The following CRKL variants were observed in gnomAD, a reference collection of about 807,000 sequenced individuals.
CRKL encodes CRK like proto-oncogene, adaptor protein, also known as crk-like protein.
A neutral mutation model predicts 23.0 loss-of-function variants in CRKL; 3 were observed. The ratio of observed to expected loss-of-function variants is 0.13; its 90% confidence interval spans 0.06 to 0.34. CRKL has a LOEUF of 0.34. CRKL is among the 10% of genes least tolerant of loss of function. The pLI is 1.00. For missense variants in CRKL, 256 were observed against 394.5 expected, an observed-to-expected ratio of 0.65 and a Z score of 2.97; for synonymous variants, 188 against 160.7, an observed-to-expected ratio of 1.17 and a Z score of -1.28.
intron 2 of CRKL, among the ~76,000 whole-genome samples, chr22:20,939,057 G>A (rs1428006774): frequency 1.3e-5 from 2 of 152,012 alleles, no homozygotes; most frequent in Admixed American, 1.3e-4. Flanking sequence ...TGTGCTTTTA[G>A]CCCTCTTCAG....
chr22:20,951,144 CGTT>C lies in CRKL; in HGVS notation c.*1301_*1303del, dbSNP rs1005765955. 4 of 232,262 alleles carry C rather than the reference CGTT, an allele frequency of 1.7e-5. No individual in the cohort carries two copies. The highest frequency in any genetic ancestry group is 1.3e-3 in the Middle Eastern group (1 of 778). The allele number at this position is 232,262 out of a possible 1,614,324, so 14.4% of individuals were successfully genotyped here. On this transcript the variant is annotated 3_prime_UTR_variant, in exon 3 of 3. Coordinates refer to ENST00000354336, the MANE Select transcript of CRKL (RefSeq NM_005207.4). The stretch of plus-strand genomic sequence containing the variant: ...TAAAAAGTGGCGTTGTTCATAGAAT[CGTT>C]GGACTCATTAATGAATCGTTCAACT...
At chr22:20,921,515 T>TACATGAGGGACCTGTATA (rs1555918123) in intron 1 of CRKL, among the ~76,000 whole-genome samples, 19 of 150,704 alleles carry the variant, frequency 1.3e-4, no homozygotes, top group Non-Finnish European at 2.2e-4. Context: ...AAGATCAATA[T>TACATGAGGGACCTGTATA]ACAGGAGGGA....
intron 2 of CRKL, among the ~76,000 whole-genome samples, chr22:20,949,320 T>G (rs1922181908): frequency 6.6e-6 from 1 of 152,082 alleles, no homozygotes. Context: ...AGAGATGAGG[T>G]TTCACCATGT....
intron 1 of CRKL, 66 bp from the exon 2 acceptor site, chr22:20,933,707 TATTAAG>T (rs1921549062): frequency 8.4e-7 from 1 of 1,184,656 alleles, no homozygotes; most frequent in Non-Finnish European, 1.2e-6. Flanking sequence ...GAGAGTGGTA[TATTAAG>T]AAGTTTGACA....
intron 2 of CRKL, among the ~76,000 whole-genome samples, chr22:20,938,461 G>A (rs148539271): frequency 4.6e-5 from 7 of 152,286 alleles, no homozygotes; most frequent in African/African-American, 1.7e-4. Flanking sequence ...GTAGACAGGT[G>A]AGCATGCTGG....
chr22:20,918,794 G>A (rs1292655412), intron 1 of CRKL, among the ~76,000 whole-genome samples: 1 of 152,140 alleles, frequency 6.6e-6, no homozygotes, highest in East Asian at 1.9e-4. Flanking sequence ...GTTTCACCAT[G>A]TTGGCCTGGA....
chr22:20,935,188 T>C (rs1921607368), intron 2 of CRKL, among the ~76,000 whole-genome samples: 1 of 152,036 alleles, frequency 6.6e-6, no homozygotes. Context: ...TCTTGCCTCA[T>C]GGCAACGTCT....
At chr22:20,922,481 A>G (rs1416692100) in intron 1 of CRKL, among the ~76,000 whole-genome samples, 2 of 152,204 alleles carry the variant, frequency 1.3e-5, no homozygotes, top group East Asian at 3.8e-4. Flanking sequence ...TCCAGCTACA[A>G]AATGATGGTG....
chr22:20,935,137 G>T (rs1601680265), intron 2 of CRKL, among the ~76,000 whole-genome samples: 2 of 150,912 alleles, frequency 1.3e-5, no homozygotes, highest in East Asian at 3.9e-4. Flanking sequence ...TTTTGAGATG[G>T]AGTCTTACTT....
chr22:20,929,387 G>C (rs909761763), intron 1 of CRKL, among the ~76,000 whole-genome samples: 2 of 152,048 alleles, frequency 1.3e-5, no homozygotes, highest in South Asian at 4.1e-4. Context: ...GGATGGTCTC[G>C]ATCTCCTGAC....
chr22:20,922,566 A>C (rs1335858659), intron 1 of CRKL, among the ~76,000 whole-genome samples: 1 of 152,104 alleles, frequency 6.6e-6, no homozygotes, highest in Non-Finnish European at 1.5e-5. Flanking sequence ...GTGGGTGGGG[A>C]TGAAGGGAAA....
chr22:20,949,617 G>A (rs2147917988), intron 2 of CRKL, 94 bp from the exon 3 acceptor site: 1 of 1,506,466 alleles, frequency 6.6e-7, no homozygotes. Flanking sequence ...AATAATGTAT[G>A]GGCCCTTTGG....
chr22:20,928,217 G>A (rs140437978), intron 1 of CRKL, among the ~76,000 whole-genome samples: 8 of 151,600 alleles, frequency 5.3e-5, no homozygotes, highest in Non-Finnish European at 8.8e-5. Context: ...AAATAGTGGG[G>A]AGGCTGAGGT....
rs762877950 is a variant in CRKL at position 20,952,289 on chromosome 22, G to A, written c.*2444G>A. The stretch of plus-strand genomic sequence containing the variant: ...AGCCCTGTCTACTGACCAATACCCC[G>A]ACTCACCTTGTGTGGCGCACTTCAG... On this transcript the variant is annotated 3_prime_UTR_variant, in exon 3 of 3. Coordinates refer to ENST00000354336, the MANE Select transcript of CRKL (RefSeq NM_005207.4). The A allele has an allele frequency of 6.1e-5, 14 of 229,802 alleles. No individual in the cohort carries two copies. Among genetic ancestry groups the A allele is most frequent in the Middle Eastern group, 2.6e-3 (2 of 780 alleles). 14.2% of individuals were successfully genotyped at this position (229,802 alleles called of 1,614,324 possible).
intron 2 of CRKL, among the ~76,000 whole-genome samples, chr22:20,946,136 C>T (rs1375144521): frequency 3.9e-5 from 6 of 152,116 alleles, no homozygotes; most frequent in Admixed American, 3.3e-4. Flanking sequence ...TTTTATGTAA[C>T]CTGAAAGCAT....
chr22:20,946,295 A>C (rs966438876), intron 2 of CRKL, among the ~76,000 whole-genome samples: 2 of 152,014 alleles, frequency 1.3e-5, no homozygotes, highest in Non-Finnish European at 2.9e-5. Context: ...CCTGGACAAC[A>C]CTCTGGACAA....
At chr22:20,942,742 C>T (rs1921925288) in intron 2 of CRKL, among the ~76,000 whole-genome samples, 1 of 152,102 alleles carries the variant, frequency 6.6e-6, no homozygotes, top group African/African-American at 2.4e-5. Context: ...CTGCCTCAGC[C>T]TCCTGAGTAG....
In CRKL at chr22:20,951,128, G is replaced by T; in HGVS notation, c.*1283G>T. On this transcript the variant is annotated 3_prime_UTR_variant, in exon 3 of 3. Transcript: ENST00000354336. Reference sequence around the variant, plus strand: ...CAGACTTAAACTTCCTTAAAAAGTGGCGTTGTTCATAGAATCGTTGGACTC... The same window carrying T: ...CAGACTTAAACTTCCTTAAAAAGTGTCGTTGTTCATAGAATCGTTGGACTC... The T allele has an allele frequency of 4.3e-6, 1 of 232,354 alleles. No homozygotes were observed. Among genetic ancestry groups the T allele is most frequent in the Non-Finnish European group, 8.5e-6 (1 of 117,530 alleles). 14.4% of individuals were successfully genotyped at this position (232,354 alleles called of 1,614,324 possible).
At chr22:20,948,187 C>A (rs1282355006) in intron 2 of CRKL, among the ~76,000 whole-genome samples, 1 of 152,140 alleles carries the variant, frequency 6.6e-6, no homozygotes, top group Non-Finnish European at 1.5e-5. Context: ...AATTGGAAGG[C>A]GTGAGGTGTG....
Sources: gnomAD v4.1 joint callset for allele counts (sites outside exome capture counted in the v4.1 genomes callset) on GRCh38, gnomAD v4.1.1 for gene constraint, MANE v1.5 for transcripts, NCBI Gene and HGNC (gene_info 2026-07-23, HGNC 2026-07-21) for gene names.